The following EDA variants were observed in gnomAD, a reference collection of about 807,000 sequenced individuals.
EDA encodes the protein ectodysplasin A.
A neutral mutation model predicts 23.6 loss-of-function variants in EDA; 2 were observed. The ratio of observed to expected loss-of-function variants is 0.08; its 90% CI spans 0.03 to 0.27. The LOEUF (loss-of-function observed/expected upper bound fraction) is 0.27. Among genes scored for constraint, EDA ranks in the 10% least tolerant of loss-of-function variants. The probability of loss-of-function intolerance (pLI) is 1.00; values close to 1 mark genes in which losing one functional copy is unlikely to be tolerated. For synonymous variants in EDA, 131 were observed against 132.0 expected, an observed-to-expected ratio of 0.99 and a Z score of 0.05; for missense variants, 229 against 324.2, an observed-to-expected ratio of 0.71 and a Z score of 2.26.
At chrX:69,816,665 G>A (rs746940584) in intron 1 of EDA, among the ~76,000 whole-genome samples, 136 of 111,497 alleles carry the variant, frequency 1.2e-3, no homozygotes, top group Non-Finnish European at 2.3e-3. Flanking sequence ...GAATGAAAAG[G>A]AATGAACCAA....
intron 1 of EDA, among the ~76,000 whole-genome samples, chrX:69,802,936 C>T (rs911424926): frequency 8.9e-6 from 1 of 111,808 alleles, no homozygotes; most frequent in Admixed American, 9.5e-5. Context: ...TATAGACAGA[C>T]AGGTGCTAGG....
chrX:69,803,190 G>A (rs746266063), intron 1 of EDA, among the ~76,000 whole-genome samples: 16 of 111,131 alleles, frequency 1.4e-4, no homozygotes, highest in African/African-American at 5.2e-4. Flanking sequence ...AATGCATCTT[G>A]TCTTTTTAGC....
At chrX:69,905,393 A>T (rs1455586730) in intron 1 of EDA, among the ~76,000 whole-genome samples, 3 of 109,642 alleles carry the variant, frequency 2.7e-5, no homozygotes, top group Non-Finnish European at 5.7e-5. Flanking sequence ...GGGAAATGGA[A>T]GCAATTACTA....
At chrX:69,982,339 CA>C (rs2019421773) in intron 2 of EDA, among the ~76,000 whole-genome samples, 1 of 111,203 alleles carries the variant, frequency 9.0e-6, no homozygotes, top group Admixed American at 9.6e-5. Flanking sequence ...TCTTTCCCCC[CA>C]AGAAACACAA....
At chrX:70,032,172 T>G (rs2020208168) in intron 6 of EDA, among the ~76,000 whole-genome samples, 1 of 109,216 alleles carries the variant, frequency 9.2e-6, no homozygotes, top group Non-Finnish European at 1.9e-5. Context: ...GGCAGGAGAA[T>G]CACTTGAACC....
chrX:69,980,632 C>G (rs2019391135), intron 2 of EDA, among the ~76,000 whole-genome samples: 1 of 112,299 alleles, frequency 8.9e-6, no homozygotes, highest in Non-Finnish European at 1.9e-5. Context: ...TTTACTTATT[C>G]TAGACTAAAT....
intron 1 of EDA, among the ~76,000 whole-genome samples, chrX:69,639,538 A>G (rs1203338326): frequency 2.7e-5 from 3 of 111,996 alleles, no homozygotes; most frequent in Non-Finnish European, 5.6e-5. Flanking sequence ...ATCTTTCCAT[A>G]TGCTTATTGG....
At chrX:69,856,334 GT>G (rs1250776991) in intron 1 of EDA, among the ~76,000 whole-genome samples, 8 of 96,278 alleles carry the variant, frequency 8.3e-5, no homozygotes, top group African/African-American at 1.5e-4. Context: ...CATGTGTAAG[GT>G]TTTTTTTTTC....
chrX:69,937,679 T>C (rs2018694807), intron 1 of EDA: 4 of 1,119,954 alleles, frequency 3.6e-6, no homozygotes, highest in South Asian at 3.7e-5. Flanking sequence ...TTAGTAGCTC[T>C]ATAGAGTTCT....
chrX:69,721,740 T>C (rs2012590792), intron 1 of EDA, among the ~76,000 whole-genome samples: 1 of 111,325 alleles, frequency 9.0e-6, no homozygotes, highest in Non-Finnish European at 1.9e-5. Context: ...ATGCAAGATA[T>C]CCCATAGCTT....
chrX:69,876,626 A>G (rs1602502333), intron 1 of EDA, among the ~76,000 whole-genome samples: 1 of 111,178 alleles, frequency 9.0e-6, no homozygotes, highest in East Asian at 2.8e-4. Flanking sequence ...CTTGGTAACT[A>G]CTTGTCTGTT....
At chrX:69,664,505 C>T (rs181720333) in intron 1 of EDA, among the ~76,000 whole-genome samples, 70 of 111,991 alleles carry the variant, frequency 6.3e-4, no homozygotes, top group African/African-American at 2.1e-3. Flanking sequence ...ATAAATTACT[C>T]GTCCTTATGT....
rs2020298341 is a variant in EDA, at chrX:70,038,977, G to A, written c.*3368G>A. 8.9e-6 allele frequency: 1 copy of A among 112,062 alleles called. No individual in the cohort carries two copies. 9.2% of individuals were successfully genotyped at this position (112,062 alleles called of 1,213,427 possible). A position where few individuals can be genotyped will look rare whatever the true frequency, so the allele number is the denominator to read the frequency against. ...TCTTTCTTCCACCCACAAACTCCAG[G>A]CTGGAAGTACTTGGCCCCCTTCAGG... On this transcript the variant is annotated 3_prime_UTR_variant, in exon 8 of 8. Coordinates refer to ENST00000374552, the MANE Select transcript of EDA (RefSeq NM_001399.5).
At chrX:69,730,084 G>A (rs750505377) in intron 1 of EDA, among the ~76,000 whole-genome samples, 16 of 110,251 alleles carry the variant, frequency 1.5e-4, no homozygotes, top group Non-Finnish European at 2.3e-4. Context: ...GGCCAGTCTC[G>A]AGCTCCTGAC....
chrX:69,880,408 A>C (rs1404055643), intron 1 of EDA, among the ~76,000 whole-genome samples: 3 of 112,099 alleles, frequency 2.7e-5, no homozygotes, highest in Admixed American at 9.4e-5. Context: ...ACAACAACAA[A>C]AAATTCAAAA....
rs192837571 is a variant in EDA at position 69,883,307 on chromosome X, G to T, written c.397-73720G>T. 8.0e-5 allele frequency among the ~76,000 whole-genome samples: 9 copies of T among 111,850 alleles called. No homozygotes were observed. The East Asian group carries it at 2.0e-3, about 25-fold the overall frequency. On this transcript the variant is annotated intron_variant, in intron 1 of 7. Coordinates refer to ENST00000374552, the MANE Select transcript of EDA (RefSeq NM_001399.5). ...ATTCCCAGTGAGTTGACCTGACAAT[G>T]TTGTTTTGAGTGTCAGAGCCATGTT...
chrX:69,857,710 G>A (rs2017290385), intron 1 of EDA, among the ~76,000 whole-genome samples: 1 of 105,541 alleles, frequency 9.5e-6, no homozygotes, highest in African/African-American at 3.5e-5. Context: ...TTGTCTATGT[G>A]GGCTCTTTTT....
chrX:70,025,477 A>G (rs376112848), intron 3 of EDA, among the ~76,000 whole-genome samples: 123 of 111,557 alleles, frequency 1.1e-3, no homozygotes, highest in African/African-American at 3.7e-3. Context: ...CCCTCCTTAT[A>G]GAAACTCAGT....
intron 1 of EDA, among the ~76,000 whole-genome samples, chrX:69,685,811 GT>G (rs1934521438): frequency 8.9e-6 from 1 of 111,985 alleles, no homozygotes; most frequent in Non-Finnish European, 1.9e-5. Context: ...GATGTGATAT[GT>G]TATATAAATG....
Sources: allele counts gnomAD v4.1 joint callset (sites outside exome capture counted in the v4.1 genomes callset), GRCh38; gene constraint gnomAD v4.1.1; transcripts MANE v1.5; gene names NCBI Gene and HGNC (gene_info 2026-07-23, HGNC 2026-07-21).